SMIM23: variants seen among roughly 807,000 people sequenced by gnomAD.
SMIM23 encodes small integral membrane protein 23.
SMIM23 carries 10 observed loss-of-function variants against 12.8 expected under a neutral mutation model. The observed-to-expected ratio is 0.78, with a 90% confidence interval of 0.48 to 1.32. SMIM23 has a LOEUF of 1.32. Among genes scored for constraint, SMIM23 ranks in the 40% most tolerant of loss-of-function variants. The probability of loss-of-function intolerance (pLI) is 0.00; values close to 1 mark genes in which losing one functional copy is unlikely to be tolerated. For missense variants in SMIM23, 184 were observed against 198.2 expected (o/e 0.93, Z 0.43); for synonymous variants, 78 against 80.1 (o/e 0.97, Z 0.14).
chr5:171,783,461 A>G (rs1755760670), upstream of SMIM23, among the ~76,000 whole-genome samples: 1 of 152,248 alleles, frequency 6.6e-6, no homozygotes, highest in South Asian at 2.1e-4. Flanking sequence ...ACATAGATCA[A>G]TGAAACAGAA....
chr5:171,790,128 C>T, intron 1 of SMIM23, 102 bp from the exon 2 acceptor site: 2 of 1,183,058 alleles, frequency 1.7e-6, no homozygotes, highest in Admixed American at 2.0e-5. Flanking sequence ...AAAAAACTGT[C>T]TTATAAGCAT....
chr5:171,782,294 C>A (rs766962402), upstream of SMIM23: 1 of 152,228 alleles, frequency 6.6e-6, no homozygotes, highest in South Asian at 2.1e-4. Flanking sequence ...CATCTACTTA[C>A]GGACAGTGAA....
At chr5:171,776,565 A>T in the SMIM23 span, among the ~76,000 whole-genome samples, 1 of 152,136 alleles carries the variant, frequency 6.6e-6, no homozygotes, top group South Asian at 2.1e-4. Flanking sequence ...GGCATGGGAG[A>T]TGCTTGCCTT....
chr5:171,790,662 G>A, intron 3 of SMIM23, 113 bp downstream of exon 3: 2 of 1,360,188 alleles, frequency 1.5e-6, no homozygotes, highest in Non-Finnish European at 2.0e-6. Context: ...AAGTGCAGAA[G>A]GTGGGAACAG....
At chr5:171,773,669 G>C in the SMIM23 span, 1 of 404,892 alleles carries the variant, frequency 2.5e-6, no homozygotes. Context: ...CTCAAGACCA[G>C]GCAGGCATAG....
At chr5:171,782,125 C>T (rs153759), upstream of SMIM23, among the ~76,000 whole-genome samples, 15,591 of 152,190 alleles carry the variant, frequency 0.1, 2,244 homozygotes, top group African/African-American at 0.32. Context: ...TCTTTCGGTC[C>T]ACCACCTTCA....
chr5:171,778,490 C>T (rs951138220), upstream of SMIM23, among the ~76,000 whole-genome samples: 2 of 108,064 alleles, frequency 1.9e-5, no homozygotes, highest in African/African-American at 6.8e-5. Flanking sequence ...CACACACACA[C>T]ACAGATAGAG....
chr5:171,784,240 T>A (rs2113646819), upstream of SMIM23, among the ~76,000 whole-genome samples: 1 of 152,324 alleles, frequency 6.6e-6, no homozygotes, highest in Non-Finnish European at 1.5e-5. Flanking sequence ...GTGCAGTGGC[T>A]CACGCCTGTA....
At chr5:171,776,264 AG>A in the SMIM23 span, among the ~76,000 whole-genome samples, 9,177 of 38,650 alleles carry the variant, frequency 0.24, 712 homozygotes, top group African/African-American at 0.41. Context: ...TGAGCGGGGG[AG>A]GGGGGGTTGG....
chr5:171,783,127 A>AC, upstream of SMIM23, among the ~76,000 whole-genome samples: 1 of 152,380 alleles, frequency 6.6e-6, no homozygotes, highest in South Asian at 2.1e-4. Flanking sequence ...TATGCCAAAA[A>AC]TTACAAAGTG....
chr5:171,773,747 G>C, the SMIM23 span: 4 of 456,068 alleles, frequency 8.8e-6, no homozygotes, highest in Non-Finnish European at 1.8e-5. Context: ...CTTCAGGCAA[G>C]TGTTGGCATG....
rs945636764 is a variant in SMIM23, at chr5:171,790,613, T to C, written c.225+64T>C. On this transcript the variant is annotated intron_variant, in intron 3 of 3. Transcript: ENST00000523047. Reference sequence around the variant, plus strand: ...GGAAGGCTTTCCAGAGGAGGTGTCATTGGCAACATGGGTCATGAAAGATAA... The same window carrying C: ...GGAAGGCTTTCCAGAGGAGGTGTCACTGGCAACATGGGTCATGAAAGATAA... The C allele has an allele frequency of 3.4e-6, 5 of 1,467,522 alleles. No individual in the cohort carries two copies. In the African/African-American group the frequency reaches 7.0e-5, roughly 20 times the overall value. The allele number at this position is 1,467,522 out of a possible 1,614,324, so 90.9% of individuals were successfully genotyped here. A position where few individuals can be genotyped will look rare whatever the true frequency, so the allele number is the denominator to read the frequency against.
chr5:171,774,597 C>A, the SMIM23 span: 9 of 455,174 alleles, frequency 2.0e-5, no homozygotes, highest in South Asian at 1.4e-4. Flanking sequence ...CCCTACCCTG[C>A]CCTGCCCCAC....
upstream of SMIM23, chr5:171,782,354 A>AT (rs1276453674): frequency 6.6e-6 from 1 of 152,280 alleles, no homozygotes; most frequent in Non-Finnish European, 1.5e-5. Context: ...CTGAAACTAC[A>AT]TTAACTCCTT....
At chr5:171,773,257 G>A in the SMIM23 span, among the ~76,000 whole-genome samples, 1 of 152,174 alleles carries the variant, frequency 6.6e-6, no homozygotes, top group Non-Finnish European at 1.5e-5. Context: ...AGGTGGTGGG[G>A]GCTCAATGAG....
At chr5:171,776,039 T>C in the SMIM23 span, among the ~76,000 whole-genome samples, 1 of 152,064 alleles carries the variant, frequency 6.6e-6, no homozygotes, top group Non-Finnish European at 1.5e-5. Flanking sequence ...GCCCGGCTAA[T>C]TTTGTATTTT....
chr5:171,789,267 G>A (rs532084725), intron 1 of SMIM23, among the ~76,000 whole-genome samples: 1 of 152,352 alleles, frequency 6.6e-6, no homozygotes, highest in South Asian at 2.1e-4. Context: ...TACTGAAGAA[G>A]CTCATTTGGC....
the SMIM23 span, chr5:171,773,637 G>A: frequency 3.8e-5 from 14 of 373,066 alleles, no homozygotes; most frequent in South Asian, 2.8e-4. Context: ...CCAAATAGAG[G>A]GTAAGACTCA....
At chr5:171,777,203 A>G in the SMIM23 span, among the ~76,000 whole-genome samples, 1 of 152,200 alleles carries the variant, frequency 6.6e-6, no homozygotes, top group African/African-American at 2.4e-5. Context: ...ACTGTAATAA[A>G]TTAGCCCAAT....
Sources: allele counts gnomAD v4.1 joint callset (sites outside exome capture counted in the v4.1 genomes callset), GRCh38; gene constraint gnomAD v4.1.1; transcripts MANE v1.5; gene names NCBI Gene and HGNC (gene_info 2026-07-23, HGNC 2026-07-21).